The following ME1 variants were observed in gnomAD, a reference collection of about 807,000 sequenced individuals.
ME1 encodes malic enzyme 1, also known as NADP-dependent malic enzyme.
A neutral mutation model predicts 66.4 loss-of-function variants in ME1; 74 were observed. That is an observed-to-expected ratio of 1.11 (90% CI 0.92 to 1.35). The LOEUF (loss-of-function observed/expected upper bound fraction) is 1.35, where lower values mean the gene tolerates loss of function less well. Ranked by LOEUF, ME1 falls within the 40% of genes most tolerant of loss-of-function variation. The pLI, the probability that ME1 is intolerant of heterozygous loss-of-function variation, is 0.00. For synonymous variants in ME1, 251 were observed against 235.6 expected (o/e 1.07, Z -0.60); for missense variants, 750 against 694.1 (o/e 1.08, Z -0.90).
At chr6:83,417,219 A>AC (rs1770178160) in intron 1 of ME1, among the ~76,000 whole-genome samples, 1 of 151,834 alleles carries the variant, frequency 6.6e-6, no homozygotes, top group East Asian at 2.0e-4. Flanking sequence ...CTGGAAAAAA[A>AC]ATTTTTTTTT....
At chr6:83,422,613 A>C (rs1770289353) in intron 1 of ME1, among the ~76,000 whole-genome samples, 1 of 152,240 alleles carries the variant, frequency 6.6e-6, no homozygotes, top group Non-Finnish European at 1.5e-5. Flanking sequence ...GTCTTTCTAA[A>C]TAAATGGAAA....
chr6:83,237,747 C>A lies in ME1; in HGVS notation c.996G>T (p.Trp332Cys), dbSNP rs747661987. ...CTATTAATCCTTTTGAATCAACCAG[C>A]CATATCTTTTTGATGGCTTTCTCTT... Reference protein sequence around the residue: ...LPKEKAIKKIWLVDSKGLIVK... With the variant: ...LPKEKAIKKICLVDSKGLIVK... Residue 332 changes from tryptophan (W) to cysteine (C), a missense_variant, in exon 9 of 14, where the codon TGG becomes TGT. Trp to Cys is a radical substitution (Grantham distance 215). Coordinates refer to ENST00000369705, the MANE Select transcript of ME1 (RefSeq NM_002395.6). 4 of 1,606,208 alleles carry A rather than the reference C, an allele frequency of 2.5e-6. No individual in the cohort carries two copies. Among genetic ancestry groups the A allele is most frequent in the Non-Finnish European group, 2.6e-6 (3 of 1,174,652 alleles).
At chr6:83,230,620 T>TA (rs1330214890) in intron 9 of ME1, among the ~76,000 whole-genome samples, 4 of 152,136 alleles carry the variant, frequency 2.6e-5, no homozygotes, top group African/African-American at 9.7e-5. Flanking sequence ...AAAGTTTTGG[T>TA]ATATTTTCTC....
chr6:83,332,828 C>T (rs1365728109), intron 5 of ME1, among the ~76,000 whole-genome samples: 6 of 151,996 alleles, frequency 3.9e-5, no homozygotes, highest in Admixed American at 3.3e-4. Context: ...GTGATGGGTA[C>T]ACTAAAAGCT....
intron 9 of ME1, among the ~76,000 whole-genome samples, chr6:83,237,227 A>AAAAGAAAG (rs71545852): frequency 0.092 from 6,330 of 68,944 alleles, 729 homozygotes; most frequent in South Asian, 0.12. Flanking sequence ...ACAGAGAGAG[A>AAAAGAAAG]AAAGAAAGAA....
At chr6:83,222,490 G>T (rs1199171090) in intron 12 of ME1, among the ~76,000 whole-genome samples, 2 of 152,178 alleles carry the variant, frequency 1.3e-5, no homozygotes, top group Non-Finnish European at 2.9e-5. Context: ...AAGTTCTTTG[G>T]ATCAGTTCAG....
chr6:83,362,731 T>G (rs997777276), intron 3 of ME1, among the ~76,000 whole-genome samples: 1 of 152,222 alleles, frequency 6.6e-6, no homozygotes, highest in African/African-American at 2.4e-5. Flanking sequence ...AATAGACACT[T>G]ACTTTGGATA....
At chr6:83,275,051 A>G (rs1377467565) in intron 6 of ME1, among the ~76,000 whole-genome samples, 1 of 152,182 alleles carries the variant, frequency 6.6e-6, no homozygotes, top group African/African-American at 2.4e-5. Flanking sequence ...GGACAAAAAC[A>G]GGCTGGGCTC....
chr6:83,216,547 T>A lies in ME1; in HGVS notation c.1499A>T (p.Tyr500Phe). ...ATCTCTAATGGTATTCAAAGGAGGA[T>A]AAAGCCGACCCTCTTCCAAGTGTTT... The part of the protein sequence containing the change: ...SDKHLEEGRL[Y>F]PPLNTIRDVS... The change falls in exon 13 of 14, where the codon TAT becomes TTT. Residue 500 changes from tyrosine to phenylalanine, a missense_variant. By Grantham distance (22) the Tyr-to-Phe change is conservative. Transcript: ENST00000369705. The A allele has an allele frequency of 6.2e-7, 1 of 1,611,866 alleles. No individual in the cohort carries two copies.
At chr6:83,366,792 C>T (rs1769109038) in intron 3 of ME1, among the ~76,000 whole-genome samples, 1 of 152,144 alleles carries the variant, frequency 6.6e-6, no homozygotes. Flanking sequence ...GTCTTGGATC[C>T]CTCAAAGTCA....
At chr6:83,401,500 C>T (rs1393747001) in intron 2 of ME1, among the ~76,000 whole-genome samples, 1 of 152,024 alleles carries the variant, frequency 6.6e-6, no homozygotes, top group Non-Finnish European at 1.5e-5. Context: ...TAGCAGGTAG[C>T]TGATAAAATG....
At chr6:83,224,326 G>A (rs1425994637) in intron 11 of ME1, among the ~76,000 whole-genome samples, 1 of 152,078 alleles carries the variant, frequency 6.6e-6, no homozygotes, top group Admixed American at 6.6e-5. Flanking sequence ...TTAGGTTGGG[G>A]TTTAGGAATC....
intron 3 of ME1, among the ~76,000 whole-genome samples, chr6:83,385,944 T>A (rs1769496012): frequency 6.6e-6 from 1 of 151,880 alleles, no homozygotes; most frequent in Non-Finnish European, 1.5e-5. Flanking sequence ...CCACTTTTAA[T>A]AAATAATTAT....
chr6:83,314,554 T>G (rs911056806), intron 6 of ME1, among the ~76,000 whole-genome samples: 1 of 152,238 alleles, frequency 6.6e-6, no homozygotes, highest in South Asian at 2.1e-4. Context: ...ACATAAACTT[T>G]GTTTTACACA....
At chr6:83,254,815 C>T (rs528441044) in intron 6 of ME1, among the ~76,000 whole-genome samples, 1 of 152,130 alleles carries the variant, frequency 6.6e-6, no homozygotes, top group Non-Finnish European at 1.5e-5. Flanking sequence ...TTCAGGACTA[C>T]CTGATTTTAA....
chr6:83,272,790 A>T (rs1016889767), intron 6 of ME1, among the ~76,000 whole-genome samples: 1 of 152,206 alleles, frequency 6.6e-6, no homozygotes, highest in African/African-American at 2.4e-5. Context: ...TTATATGCGT[A>T]TACATTTATA....
In ME1 at chr6:83,413,574, C is replaced by A. The variant is rs533400036; in HGVS notation, c.79-5673G>T. ...TATATAAAGAGTACAGAAAGAGGACCCTTTATATTTTTATTATTTATTATT... is the reference window on the plus strand; with the variant it reads ...TATATAAAGAGTACAGAAAGAGGACACTTTATATTTTTATTATTTATTATT... On this transcript the variant is annotated intron_variant, in intron 1 of 13. Transcript: ENST00000369705. Among the ~76,000 whole-genome samples the A allele has an allele frequency of 3.6e-4, 54 of 151,096 alleles. 2 individuals are homozygous for A. In the Middle Eastern group the frequency reaches 0.017, roughly 48 times the overall value.
At chr6:83,295,284 G>A (rs1395246506) in intron 6 of ME1, among the ~76,000 whole-genome samples, 2 of 152,108 alleles carry the variant, frequency 1.3e-5, no homozygotes, top group African/African-American at 2.4e-5. Flanking sequence ...AATCTACCTG[G>A]CAGTTAAAGG....
chr6:83,215,813 C>T (rs1464230639), intron 13 of ME1, among the ~76,000 whole-genome samples: 1 of 152,190 alleles, frequency 6.6e-6, no homozygotes. Context: ...GTTGTTTAAG[C>T]CACACAGTCT....
Sources: allele counts gnomAD v4.1 joint callset (sites outside exome capture counted in the v4.1 genomes callset), GRCh38; gene constraint gnomAD v4.1.1; transcripts MANE v1.5; gene names NCBI Gene and HGNC (gene_info 2026-07-23, HGNC 2026-07-21).